MARCHF1: variants seen among roughly 807,000 people sequenced by gnomAD.
The protein encoded by MARCHF1 is E3 ubiquitin-protein ligase MARCHF1.
Under a neutral mutation model 54.2 loss-of-function variants are expected in MARCHF1, and 40 were observed. The ratio of observed to expected loss-of-function variants is 0.74; its 90% CI spans 0.57 to 0.96. The LOEUF (loss-of-function observed/expected upper bound fraction) is 0.96, where lower values mean the gene tolerates loss of function less well. Among genes scored for constraint, MARCHF1 ranks in the 40% least tolerant of loss-of-function variants. MARCHF1 has a pLI of 0.00. For synonymous variants in MARCHF1, 236 were observed against 236.3 expected (o/e 1.00, Z 0.01); for missense variants, 586 against 656.5 (o/e 0.89, Z 1.17).
chr4:163,588,690 A>G (rs577158981), intron 7 of MARCHF1, among the ~76,000 whole-genome samples: 2 of 152,266 alleles, frequency 1.3e-5, no homozygotes, highest in Non-Finnish European at 2.9e-5. Context: ...ACACAGTCTC[A>G]CCCACTGGTT....
At chr4:164,117,637 C>T (rs1381646920) in intron 1 of MARCHF1, among the ~76,000 whole-genome samples, 1 of 152,052 alleles carries the variant, frequency 6.6e-6, no homozygotes, top group Non-Finnish European at 1.5e-5. Context: ...CGGTGGCTCA[C>T]ATCTGTAATC....
At chr4:163,627,143 A>G (rs1741900799) in intron 5 of MARCHF1, among the ~76,000 whole-genome samples, 1 of 152,202 alleles carries the variant, frequency 6.6e-6, no homozygotes, top group African/African-American at 2.4e-5. Flanking sequence ...TTATACTATT[A>G]TCTCATTTAT....
At chr4:164,361,047 A>G (rs866208700) in intron 1 of MARCHF1, among the ~76,000 whole-genome samples, 19 of 151,762 alleles carry the variant, frequency 1.3e-4, no homozygotes, top group Non-Finnish European at 2.4e-4. Context: ...GTCTAGGGTC[A>G]TTATGGTACA....
intron 3 of MARCHF1, among the ~76,000 whole-genome samples, chr4:163,976,163 G>A (rs993702341): frequency 1.9e-4 from 29 of 152,182 alleles, no homozygotes; most frequent in African/African-American, 7.0e-4. Context: ...ACTGCTGTAT[G>A]TCTCTAATTT....
chr4:163,649,670 C>A (rs1293809350), intron 5 of MARCHF1, among the ~76,000 whole-genome samples: 2 of 152,032 alleles, frequency 1.3e-5, no homozygotes, highest in Admixed American at 1.3e-4. Context: ...ACAAAAAAAA[C>A]CGCATGGGAC....
chr4:164,099,673 T>C (rs1466677174), intron 2 of MARCHF1, among the ~76,000 whole-genome samples: 6 of 152,056 alleles, frequency 3.9e-5, no homozygotes, highest in Non-Finnish European at 5.9e-5. Context: ...AAAGTCAGAG[T>C]TGTTAATTAT....
At chr4:164,225,839 TA>T (rs1560962230) in intron 1 of MARCHF1, among the ~76,000 whole-genome samples, 1 of 152,070 alleles carries the variant, frequency 6.6e-6, no homozygotes, top group African/African-American at 2.4e-5. Flanking sequence ...AGTACTCATT[TA>T]AAAGATTTCC....
chr4:163,771,908 C>G (rs1041192734), intron 4 of MARCHF1, among the ~76,000 whole-genome samples: 1 of 152,158 alleles, frequency 6.6e-6, no homozygotes, highest in African/African-American at 2.4e-5. Context: ...TTGATGATCA[C>G]TATCTAACAT....
intron 4 of MARCHF1, among the ~76,000 whole-genome samples, chr4:163,782,669 CAAAA>C (rs779917586): frequency 9.2e-6 from 1 of 108,402 alleles, no homozygotes; most frequent in African/African-American, 3.8e-5. Context: ...ACTCCATCTC[CAAAA>C]AAAAAAAAAA....
At chr4:164,097,017 T>A (rs2111146170) in intron 2 of MARCHF1, among the ~76,000 whole-genome samples, 1 of 152,252 alleles carries the variant, frequency 6.6e-6, no homozygotes, top group South Asian at 2.1e-4. Context: ...TTCATTTTAC[T>A]CTTCATAGAG....
chr4:164,283,624 A>T (rs1734078139), intron 1 of MARCHF1, among the ~76,000 whole-genome samples: 1 of 151,064 alleles, frequency 6.6e-6, no homozygotes, highest in Non-Finnish European at 1.5e-5. Context: ...CTGGAAACTC[A>T]TCAGAATGCG....
intron 4 of MARCHF1, among the ~76,000 whole-genome samples, chr4:163,759,879 G>A (rs1043291005): frequency 2.0e-5 from 3 of 152,098 alleles, no homozygotes; most frequent in Admixed American, 6.6e-5. Context: ...AAGCTGATGT[G>A]AGCACACATT....
rs138641064 is a variant in MARCHF1 at position 163,525,250 on chromosome 4, A to G, written c.*3498T>C. 4 of 152,178 alleles carry G rather than the reference A, an allele frequency of 2.6e-5. No individual in the cohort carries two copies. The East Asian group carries it at 7.7e-4, about 29-fold the overall frequency. The allele number at this position is 152,178 out of a possible 1,614,324, so 9.4% of individuals were successfully genotyped here. On this transcript the variant is annotated 3_prime_UTR_variant, in exon 10 of 10. Transcript: ENST00000514618. ...ATGGTGTCATTGTTCTAATGAGCTA[A>G]TTTTCCTGCCAAAGAATAGATGTTT... is the stretch of plus-strand genomic sequence containing the variant.
chr4:163,975,357 T>G (rs896872206), intron 3 of MARCHF1, among the ~76,000 whole-genome samples: 1 of 152,138 alleles, frequency 6.6e-6, no homozygotes, highest in African/African-American at 2.4e-5. Flanking sequence ...TCACTTGTGA[T>G]GGACAAAATA....
At chr4:163,723,799 C>A (rs1745559554) in intron 4 of MARCHF1, among the ~76,000 whole-genome samples, 1 of 152,232 alleles carries the variant, frequency 6.6e-6, no homozygotes, top group South Asian at 2.1e-4. Flanking sequence ...GATACCCTTT[C>A]TTCCAGTTGA....
intron 3 of MARCHF1, among the ~76,000 whole-genome samples, chr4:163,956,115 T>C (rs996105444): frequency 3.3e-5 from 5 of 152,154 alleles, no homozygotes; most frequent in Admixed American, 2.6e-4. Context: ...TTATGTAAGA[T>C]GTTAACATCA....
intron 1 of MARCHF1, among the ~76,000 whole-genome samples, chr4:164,155,400 C>A (rs1730051387): frequency 6.6e-6 from 1 of 151,662 alleles, no homozygotes; most frequent in South Asian, 2.1e-4. Flanking sequence ...TCAAGAATAC[C>A]AGTAATTTAT....
intron 3 of MARCHF1, among the ~76,000 whole-genome samples, chr4:163,941,698 A>G (rs1302272370): frequency 6.6e-6 from 1 of 152,112 alleles, no homozygotes; most frequent in African/African-American, 2.4e-5. Flanking sequence ...CCTAAAGAAC[A>G]GTTTGTGCTT....
At chr4:163,997,110 G>A (rs1014085291) in intron 2 of MARCHF1, among the ~76,000 whole-genome samples, 4 of 151,970 alleles carry the variant, frequency 2.6e-5, no homozygotes, top group Admixed American at 1.3e-4. Context: ...AAGAGAAACA[G>A]CCAAGATAGG....
Sources: allele counts gnomAD v4.1 joint callset (sites outside exome capture counted in the v4.1 genomes callset), GRCh38; gene constraint gnomAD v4.1.1; transcripts MANE v1.5; gene names NCBI Gene and HGNC (gene_info 2026-07-23, HGNC 2026-07-21).